Variants in TF observed in about 807,000 individuals in gnomAD.
TF encodes transferrin.
A neutral mutation model predicts 82.4 loss-of-function variants in TF; 55 were observed. The observed-to-expected ratio is 0.67, with a 90% CI of 0.54 to 0.84. The LOEUF (loss-of-function observed/expected upper bound fraction) is 0.84. TF is among the 40% of genes least tolerant of loss of function. TF has a pLI of 0.00. For synonymous variants in TF, 332 were observed against 332.6 expected, an observed-to-expected ratio of 1.00 and a Z score of 0.02; for missense variants, 737 against 868.4, an observed-to-expected ratio of 0.85 and a Z score of 1.90.
At chr3:133,729,758 G>A in the TF span, among the ~76,000 whole-genome samples, 10,288 of 152,196 alleles carry the variant, frequency 0.068, 502 homozygotes, top group East Asian at 0.27. Flanking sequence ...CATCGCTCAC[G>A]CTGGGAGCTG....
intron 6 of TF, 27 bp downstream of exon 6, chr3:133,756,364 G>A: frequency 6.2e-7 from 1 of 1,612,488 alleles, no homozygotes; most frequent in Non-Finnish European, 8.5e-7. Flanking sequence ...AATCCACCAG[G>A]GCCACTCCAA....
chr3:133,693,929 C>A, the TF span, among the ~76,000 whole-genome samples: 2 of 151,986 alleles, frequency 1.3e-5, no homozygotes, highest in Non-Finnish European at 2.9e-5. Context: ...GCTCTCACAC[C>A]CTGCAGCGGA....
the TF span, among the ~76,000 whole-genome samples, chr3:133,690,125 A>G: frequency 7.9e-5 from 12 of 152,166 alleles, no homozygotes; most frequent in Non-Finnish European, 1.5e-4. Flanking sequence ...ATAAATTACA[A>G]AAGTAGACAA....
chr3:133,691,033 T>C, the TF span, among the ~76,000 whole-genome samples: 1 of 148,928 alleles, frequency 6.7e-6, no homozygotes, highest in Non-Finnish European at 1.5e-5. Context: ...TGAATATATA[T>C]TGTAAAATAT....
In TF at chr3:133,746,549, C is replaced by T. The variant is rs41298277; in HGVS notation, c.43+66C>T. The T allele has an allele frequency of 3.8e-4, 575 of 1,527,988 alleles. 4 individuals carry two copies. The African/African-American group carries it at 7.3e-3, about 19-fold the overall frequency. The allele number at this position is 1,527,988 out of a possible 1,614,324, so 94.7% of individuals were successfully genotyped here. On this transcript the variant is annotated intron_variant, in intron 1 of 16. Transcript: ENST00000402696. ...CGCGCGTTCCCTGCAACCCGGGCGGCCACCGCGCAGCCTGCATGCACTCCG... is the reference window on the plus strand; with the variant it reads ...CGCGCGTTCCCTGCAACCCGGGCGGTCACCGCGCAGCCTGCATGCACTCCG...
chr3:133,785,953 C>A lies in TF; in HGVS notation c.*7333C>A, dbSNP rs554375123. 2 of 44,056 alleles carry A rather than the reference C, an allele frequency of 4.5e-5. No individual in the cohort carries two copies. Among genetic ancestry groups the A allele is most frequent in the African/African-American group, 1.5e-4 (2 of 13,542 alleles). The allele number at this position is 44,056 out of a possible 1,614,324, so 2.7% of individuals were successfully genotyped here. ...CTCTGAAACATGTGCTGTGTCCACT[C>A]AGGGTTAAATGGATTAAGGGCGGTG... is the stretch of plus-strand genomic sequence containing the variant. On this transcript the variant is annotated 3_prime_UTR_variant, in exon 17 of 17. Coordinates refer to ENST00000402696, the MANE Select transcript of TF (RefSeq NM_001063.4).
At position 133,788,346 on chromosome 3, in the gene TF, C is replaced by T. The variant is rs1934739397; in HGVS notation, c.*9726C>T. 1 of 152,214 alleles carries T rather than the reference C, an allele frequency of 6.6e-6. No homozygotes were observed. Among genetic ancestry groups the T allele is most frequent in the Non-Finnish European group, 1.5e-5 (1 of 68,046 alleles). The allele number at this position is 152,214 out of a possible 1,614,324, so 9.4% of individuals were successfully genotyped here. On this transcript the variant is annotated 3_prime_UTR_variant, in exon 17 of 17. Coordinates refer to ENST00000402696, the MANE Select transcript of TF (RefSeq NM_001063.4). Reference sequence around the variant, plus strand: ...TTTACATAAGGCATATACCAAGTAACCAATGGAAACCTTGAGAGGGTATTT... The same window carrying T: ...TTTACATAAGGCATATACCAAGTAATCAATGGAAACCTTGAGAGGGTATTT...
the TF span, among the ~76,000 whole-genome samples, chr3:133,683,220 G>A: frequency 6.6e-6 from 1 of 152,204 alleles, no homozygotes; most frequent in Admixed American, 6.5e-5. Context: ...ACATGGAAAG[G>A]AAAAACCGGT....
the TF span, among the ~76,000 whole-genome samples, chr3:133,671,223 G>T: frequency 6.6e-6 from 1 of 152,204 alleles, no homozygotes; most frequent in Admixed American, 6.5e-5. Flanking sequence ...GCAGGGCTGA[G>T]TTCCTTTCTG....
upstream of TF, chr3:133,746,282 G>A: frequency 1.3e-6 from 1 of 781,854 alleles, no homozygotes; most frequent in East Asian, 2.7e-5. Context: ...AAGGGGGGTT[G>A]GGAGAGGGGC....
the TF span, among the ~76,000 whole-genome samples, chr3:133,726,165 G>C: frequency 6.6e-6 from 1 of 152,174 alleles, no homozygotes; most frequent in East Asian, 1.9e-4. Flanking sequence ...GATGATGCTG[G>C]CCTCATAAAA....
At chr3:133,676,455 G>C in the TF span, among the ~76,000 whole-genome samples, 1 of 152,242 alleles carries the variant, frequency 6.6e-6, no homozygotes, top group Non-Finnish European at 1.5e-5. Context: ...ATGAACTCAT[G>C]CATGTGAAGA....
At chr3:133,731,737 T>C in the TF span, among the ~76,000 whole-genome samples, 2 of 152,210 alleles carry the variant, frequency 1.3e-5, no homozygotes, top group African/African-American at 4.8e-5. Flanking sequence ...AAGGTAGACA[T>C]TTGTACTCCT....
upstream of TF, chr3:133,746,266 G>A (rs1933494197): frequency 1.4e-6 from 1 of 709,562 alleles, no homozygotes. Context: ...AGTGGGACGA[G>A]TAAGGAAGGG....
chr3:133,696,124 G>A, the TF span, among the ~76,000 whole-genome samples: 2 of 152,064 alleles, frequency 1.3e-5, no homozygotes, highest in Non-Finnish European at 2.9e-5. Flanking sequence ...ACAGCATATT[G>A]TTATAATTGT....
chr3:133,732,792 A>C, the TF span, among the ~76,000 whole-genome samples: 1 of 151,080 alleles, frequency 6.6e-6, no homozygotes, highest in South Asian at 2.1e-4. Context: ...TCTTGAACTC[A>C]GCGAGACCAA....
At chr3:133,752,706 T>G (rs183907804) in intron 2 of TF, among the ~76,000 whole-genome samples, 1 of 152,280 alleles carries the variant, frequency 6.6e-6, no homozygotes, top group Admixed American at 6.5e-5. Flanking sequence ...AAACCCGGAA[T>G]GTCTGCACTG....
intron 16 of TF, chr3:133,777,832 A>C (rs189168083): frequency 3.8e-5 from 6 of 158,156 alleles, no homozygotes; most frequent in Non-Finnish European, 7.0e-5. Flanking sequence ...GTTTCTGAGA[A>C]CTGAAATAGA....
chr3:133,731,996 T>C, the TF span, among the ~76,000 whole-genome samples: 38 of 152,174 alleles, frequency 2.5e-4, no homozygotes, highest in Non-Finnish European at 4.7e-4. Context: ...CTGTTCTCTG[T>C]GATGGACTTC....
Sources: gnomAD v4.1 joint callset for allele counts (sites outside exome capture counted in the v4.1 genomes callset) on GRCh38, gnomAD v4.1.1 for gene constraint, MANE v1.5 for transcripts, NCBI Gene and HGNC (gene_info 2026-07-23, HGNC 2026-07-21) for gene names.